PTPRG: variants seen among roughly 807,000 people sequenced by gnomAD.
PTPRG encodes the protein receptor-type tyrosine-protein phosphatase gamma.
PTPRG carries 102 observed loss-of-function variants against 165.3 expected under a neutral mutation model. The ratio of observed to expected loss-of-function variants is 0.62; its 90% CI spans 0.53 to 0.73. PTPRG has a LOEUF of 0.73. Among genes scored for constraint, PTPRG ranks in the 30% least tolerant of loss-of-function variants. The pLI is 0.00. For missense variants in PTPRG, 1,866 were observed against 1,861.4 expected (o/e 1.00, Z -0.05); for synonymous variants, 675 against 669.5 (o/e 1.01, Z -0.13).
chr3:61,910,508 C>G (rs1304493848), intron 2 of PTPRG, among the ~76,000 whole-genome samples: 1 of 152,120 alleles, frequency 6.6e-6, no homozygotes, highest in Non-Finnish European at 1.5e-5. Flanking sequence ...CACCTTTAAC[C>G]ACTGGATTTT....
intron 2 of PTPRG, among the ~76,000 whole-genome samples, chr3:61,956,180 GACC>G (rs1176729829): frequency 2.6e-5 from 4 of 151,758 alleles, no homozygotes; most frequent in Non-Finnish European, 5.9e-5. Flanking sequence ...CTCCAGAGAG[GACC>G]ATGAGAATTT....
rs1700342029 is a variant in PTPRG, at chr3:62,210,840, CAAAT to C, written c.2155+6893_2155+6896del. ...TATTGTAAGAATATAGCATATAATA[CAAAT>C]AATATACAAATATGTGTTAACTATT... On this transcript the variant is annotated intron_variant, in intron 12 of 29. Coordinates refer to ENST00000474889, the MANE Select transcript of PTPRG (RefSeq NM_002841.4). This position sits in a 1 kb window ranked among gnomAD's most constrained non-coding sequence, Gnocchi z 4.1. Among the ~76,000 whole-genome samples, 1 of 152,136 alleles carries C rather than the reference CAAAT, an allele frequency of 6.6e-6. No homozygotes were observed. The highest frequency in any genetic ancestry group is 1.5e-5 in the Non-Finnish European group (1 of 68,026).
intron 2 of PTPRG, among the ~76,000 whole-genome samples, chr3:61,830,251 C>T (rs1469746180): frequency 6.6e-6 from 1 of 152,208 alleles, no homozygotes; most frequent in Admixed American, 6.5e-5. Flanking sequence ...TTGGAAACTT[C>T]ACTGTGTGAA....
chr3:62,054,352 C>A (rs1254680961), intron 4 of PTPRG, among the ~76,000 whole-genome samples: 1 of 152,152 alleles, frequency 6.6e-6, no homozygotes, highest in Non-Finnish European at 1.5e-5. Context: ...ATTTGGCCTT[C>A]TCTCCAGTTG....
chr3:61,885,101 G>A (rs540531185), intron 2 of PTPRG, among the ~76,000 whole-genome samples: 11 of 152,204 alleles, frequency 7.2e-5, no homozygotes, highest in South Asian at 2.1e-4. Context: ...TTTGAAAATC[G>A]TGCTCTTTTA....
chr3:61,597,036 G>C (rs537734356), intron 1 of PTPRG, among the ~76,000 whole-genome samples: 1 of 152,050 alleles, frequency 6.6e-6, no homozygotes, highest in Non-Finnish European at 1.5e-5. Flanking sequence ...GGGTCTTCTC[G>C]CTGTGTCATC....
At chr3:61,719,836 CCTCA>C (rs1013642722) in intron 1 of PTPRG, among the ~76,000 whole-genome samples, 7 of 152,120 alleles carry the variant, frequency 4.6e-5, no homozygotes, top group African/African-American at 1.2e-4. Flanking sequence ...CACCCTTGTG[CCTCA>C]CTGTTTTGTA....
chr3:61,766,453 G>C (rs2034018037), intron 2 of PTPRG, among the ~76,000 whole-genome samples: 1 of 151,862 alleles, frequency 6.6e-6, no homozygotes, highest in African/African-American at 2.4e-5. Context: ...CTTAGATTTT[G>C]ATTCTAACAT....
intron 13 of PTPRG, among the ~76,000 whole-genome samples, chr3:62,226,029 A>T (rs1700756995): frequency 6.6e-6 from 1 of 152,192 alleles, no homozygotes; most frequent in Non-Finnish European, 1.5e-5. Flanking sequence ...TAATTAGTAT[A>T]CGAATCCTGG....
intron 2 of PTPRG, among the ~76,000 whole-genome samples, chr3:61,837,489 G>A (rs373724165): frequency 3.9e-5 from 6 of 152,312 alleles, no homozygotes; most frequent in African/African-American, 9.6e-5. Flanking sequence ...CTGAATGTTC[G>A]GCATGCAGGG....
At position 62,084,627 on chromosome 3, in the gene PTPRG, T is replaced by C. The variant is rs141092065; in HGVS notation, c.615+6369T>C. Reference sequence around the variant, plus strand: ...CAGCACCTGGGATTATTTATAGACATTGAGAAGGCAGGAGGAGTTCTTGAT... The same window carrying C: ...CAGCACCTGGGATTATTTATAGACACTGAGAAGGCAGGAGGAGTTCTTGAT... On this transcript the variant is annotated intron_variant, in intron 5 of 29. Transcript: ENST00000474889. Among the ~76,000 whole-genome samples the C allele has an allele frequency of 3.3e-3, 503 of 152,306 alleles. 2 individuals are homozygous for C. The highest frequency in any genetic ancestry group is 0.011 in the African/African-American group (477 of 41,566).
At chr3:62,112,198 A>C (rs1039342224) in intron 5 of PTPRG, among the ~76,000 whole-genome samples, 1 of 151,902 alleles carries the variant, frequency 6.6e-6, no homozygotes, top group Non-Finnish European at 1.5e-5. Flanking sequence ...TCTGCCTCCC[A>C]GATTCAAGTG....
intron 1 of PTPRG, among the ~76,000 whole-genome samples, chr3:61,697,770 C>T (rs1297126099): frequency 6.6e-6 from 1 of 152,156 alleles, no homozygotes; most frequent in Non-Finnish European, 1.5e-5. Flanking sequence ...CTTCCCTTTC[C>T]CCTATGAAAA....
chr3:61,646,477 A>C (rs961714096), intron 1 of PTPRG, among the ~76,000 whole-genome samples: 4 of 152,198 alleles, frequency 2.6e-5, no homozygotes, highest in African/African-American at 9.6e-5. Context: ...ACACATCTAG[A>C]AATGCTCCCA....
chr3:61,841,118 A>G (rs1030760808), intron 2 of PTPRG, among the ~76,000 whole-genome samples: 3 of 151,946 alleles, frequency 2.0e-5, no homozygotes, highest in Non-Finnish European at 2.9e-5. Context: ...TTTTCCATCC[A>G]CTGATTATCT....
chr3:62,248,232 A>G (rs1319136065), intron 15 of PTPRG, among the ~76,000 whole-genome samples: 6 of 152,170 alleles, frequency 3.9e-5, no homozygotes, highest in Non-Finnish European at 8.8e-5. Context: ...ATAGATTTTG[A>G]ATGGTTAGTG....
intron 5 of PTPRG, among the ~76,000 whole-genome samples, chr3:62,099,832 T>C (rs1363125888): frequency 1.5e-5 from 2 of 135,116 alleles, no homozygotes; most frequent in African/African-American, 5.6e-5. Context: ...AGAGTCTCAC[T>C]CTGTTGCCCA....
chr3:61,735,275 A>T (rs1381602622), intron 1 of PTPRG, among the ~76,000 whole-genome samples: 1 of 152,132 alleles, frequency 6.6e-6, no homozygotes, highest in East Asian at 1.9e-4. Context: ...CTTTTAAATT[A>T]TTTTCCTTGA....
At chr3:62,183,027 C>T (rs1024211628) in intron 8 of PTPRG, among the ~76,000 whole-genome samples, 1 of 152,194 alleles carries the variant, frequency 6.6e-6, no homozygotes, top group Non-Finnish European at 1.5e-5. Context: ...TGCATTTATC[C>T]CAGAAGCTTT....
Sources: allele counts gnomAD v4.1 joint callset (sites outside exome capture counted in the v4.1 genomes callset), GRCh38; gene constraint gnomAD v4.1.1; non-coding constraint Gnocchi (gnomAD v3.1); transcripts MANE v1.5; gene names NCBI Gene and HGNC (gene_info 2026-07-23, HGNC 2026-07-21).